ESRRB: variants seen among roughly 807,000 people sequenced by gnomAD.
The protein encoded by ESRRB is estrogen related receptor beta.
ESRRB carries 16 observed loss-of-function variants against 46.0 expected under a neutral mutation model. The ratio of observed to expected loss-of-function variants is 0.35; its 90% CI spans 0.24 to 0.53. The LOEUF is 0.53. Ranked by LOEUF, ESRRB falls within the 20% of genes least tolerant of loss-of-function variation. The pLI is 0.93. For synonymous variants in ESRRB, 246 were observed against 259.6 expected (o/e 0.95, Z 0.50); for missense variants, 488 against 607.4 (o/e 0.80, Z 2.07).
At chr14:76,351,058 T>A (rs1884307911) in intron 1 of ESRRB, among the ~76,000 whole-genome samples, 1 of 152,152 alleles carries the variant, frequency 6.6e-6, no homozygotes, top group Admixed American at 6.5e-5. Context: ...GGGGTAGATG[T>A]CATTGAGGCC....
chr14:76,497,349 T>A (rs1890472331), intron 6 of ESRRB, among the ~76,000 whole-genome samples: 2 of 152,150 alleles, frequency 1.3e-5, no homozygotes, highest in Non-Finnish European at 2.9e-5. Flanking sequence ...CAGGTGCTGA[T>A]CACGCTCTGG....
chr14:76,487,538 A>G (rs1890067022), intron 5 of ESRRB, among the ~76,000 whole-genome samples: 1 of 152,126 alleles, frequency 6.6e-6, no homozygotes, highest in African/African-American at 2.4e-5. Context: ...CATTTCAAGC[A>G]GTGATCTAAT....
At chr14:76,404,122 G>T (rs1281054984) in intron 1 of ESRRB, among the ~76,000 whole-genome samples, 1 of 152,082 alleles carries the variant, frequency 6.6e-6, no homozygotes, top group Non-Finnish European at 1.5e-5. Context: ...TGCAAACAAG[G>T]TTGTTGCATC....
At chr14:76,374,580 G>C (rs1250016140), upstream of ESRRB, among the ~76,000 whole-genome samples, 1 of 152,176 alleles carries the variant, frequency 6.6e-6, no homozygotes, top group Non-Finnish European at 1.5e-5. Flanking sequence ...CCTGGAGAAT[G>C]GATTTCAGCA....
intron 1 of ESRRB, among the ~76,000 whole-genome samples, chr14:76,333,912 ACT>A (rs58949220): frequency 0.14 from 20,648 of 151,752 alleles, 1,511 homozygotes; most frequent in East Asian, 0.25. Flanking sequence ...AGGAGCACAA[ACT>A]CTGCAGCCAC....
intron 1 of ESRRB, among the ~76,000 whole-genome samples, chr14:76,360,459 C>T (rs1173352012): frequency 6.6e-6 from 1 of 152,010 alleles, no homozygotes; most frequent in African/African-American, 2.4e-5. Flanking sequence ...ATGAAGAGGC[C>T]AACTTTGCTG....
chr14:76,456,330 G>A lies in ESRRB; in HGVS notation c.461-6215G>A, dbSNP rs138008481. On this transcript the variant is annotated intron_variant, in intron 2 of 6. Transcript: ENST00000644823. The stretch of plus-strand genomic sequence containing the variant: ...TTTTTGGGATGACGCATAGACAGGT[G>A]TGCTCCATGTGCCATGATGGGCCAG... 1.3e-4 allele frequency among the ~76,000 whole-genome samples: 20 copies of A among 152,290 alleles called. No individual in the cohort carries two copies. The East Asian group carries it at 2.3e-3, about 18-fold the overall frequency.
intron 1 of ESRRB, among the ~76,000 whole-genome samples, chr14:76,434,949 G>C (rs1887609840): frequency 6.6e-6 from 1 of 152,134 alleles, no homozygotes; most frequent in Admixed American, 6.5e-5. Context: ...CAAGTGAATG[G>C]GACAGGCTCT....
At chr14:76,366,837 G>A (rs778173834), upstream of ESRRB, among the ~76,000 whole-genome samples, 2 of 152,108 alleles carry the variant, frequency 1.3e-5, no homozygotes, top group Non-Finnish European at 2.9e-5. Flanking sequence ...GTGGGTGGAT[G>A]GTGCAGGGCA....
At chr14:76,319,648 C>G (rs1433117824) in intron 1 of ESRRB, among the ~76,000 whole-genome samples, 1 of 152,196 alleles carries the variant, frequency 6.6e-6, no homozygotes, top group African/African-American at 2.4e-5. Context: ...CAGTGGGTAT[C>G]AAGCACCACT....
chr14:76,498,640 C>T lies in ESRRB; in HGVS notation c.*182C>T, dbSNP rs965343071. 23 of 211,786 alleles carry T rather than the reference C, an allele frequency of 1.1e-4. No individual in the cohort carries two copies. The highest frequency in any genetic ancestry group is 5.7e-4 in the African/African-American group (6 of 10,512). The allele number at this position is 211,786 out of a possible 1,614,324, so 13.1% of individuals were successfully genotyped here. A position where few individuals can be genotyped will look rare whatever the true frequency, so the allele number is the denominator to read the frequency against. ...CTCCCGGGTGCAGTGGGGTGGGGGA[C>T]GGGGATGGGGGGGCAGGGGTGTGGG... On this transcript the variant is annotated 3_prime_UTR_variant, in exon 7 of 7. Coordinates refer to ENST00000644823, the MANE Select transcript of ESRRB (RefSeq NM_001379180.1).
upstream of ESRRB, among the ~76,000 whole-genome samples, chr14:76,370,376 C>A (rs911480109): frequency 3.8e-4 from 57 of 151,322 alleles, no homozygotes; most frequent in African/African-American, 1.2e-3. Flanking sequence ...CCAGTCTGGG[C>A]GACAAGAGTG....
intron 1 of ESRRB, among the ~76,000 whole-genome samples, chr14:76,395,495 A>G (rs1239847897): frequency 2.0e-5 from 3 of 152,154 alleles, no homozygotes; most frequent in South Asian, 2.1e-4. Context: ...CTTTGATGTC[A>G]GACAGGTATG....
At chr14:76,383,400 G>A (rs1885091962) in intron 1 of ESRRB, among the ~76,000 whole-genome samples, 1 of 151,972 alleles carries the variant, frequency 6.6e-6, no homozygotes, top group African/African-American at 2.4e-5. Flanking sequence ...CTGATAAAGG[G>A]TCTTTGAGAA....
At chr14:76,377,286 T>C (rs574577322) in intron 1 of ESRRB, among the ~76,000 whole-genome samples, 10 of 152,276 alleles carry the variant, frequency 6.6e-5, no homozygotes, top group South Asian at 6.2e-4. Context: ...GAAAGTGAAC[T>C]GATCGCCTAA....
chr14:76,478,553 G>T (rs1413912257), intron 3 of ESRRB, among the ~76,000 whole-genome samples: 1 of 152,068 alleles, frequency 6.6e-6, no homozygotes, highest in African/African-American at 2.4e-5. Flanking sequence ...GGTCAGTAAA[G>T]TGGGGAAGGG....
At chr14:76,370,741 A>C (rs751621136), upstream of ESRRB, among the ~76,000 whole-genome samples, 7 of 152,074 alleles carry the variant, frequency 4.6e-5, no homozygotes, top group Non-Finnish European at 8.8e-5. Flanking sequence ...TTCTCCTGGT[A>C]GTTGGTAGGA....
rs1392165302 is a variant in ESRRB, at chr14:76,498,346, C to A, written c.1253C>A (p.Pro418Gln). Reference protein sequence around the residue: ...WRTGKLLLTLPLLRQTAAKAV... With the variant: ...WRTGKLLLTLQLLRQTAAKAV... ...ACGGGCAAGCTGCTGCTGACACTGC[C>A]GCTGCTGCGGCAGACGGCCGCCAAG... Residue 418 changes from proline to glutamine, a missense_variant, in exon 7 of 7, where the codon CCG becomes CAG. Physicochemically the swap from Pro to Gln is moderately conservative, Grantham distance 76. Transcript: ENST00000644823. 1.2e-6 allele frequency: 2 copies of A among 1,611,216 alleles called. No homozygotes were observed. Among genetic ancestry groups the A allele is most frequent in the Non-Finnish European group, 8.5e-7 (1 of 1,179,190 alleles).
intron 3 of ESRRB, 25 bp downstream of exon 3, chr14:76,462,686 T>G (rs2139991905): frequency 6.5e-7 from 1 of 1,549,476 alleles, no homozygotes; most frequent in East Asian, 2.2e-5. Flanking sequence ...CGAGTCGGGG[T>G]TCACTGTGAG....
Sources: allele counts gnomAD v4.1 joint callset (sites outside exome capture counted in the v4.1 genomes callset), GRCh38; gene constraint gnomAD v4.1.1; transcripts MANE v1.5; gene names NCBI Gene and HGNC (gene_info 2026-07-23, HGNC 2026-07-21).